The following CDH2 variants were observed in gnomAD, a reference collection of about 807,000 sequenced individuals.
The protein encoded by CDH2 is cadherin 2.
In CDH2, 17 loss-of-function variants were observed where a neutral mutation model predicts 92.0. The ratio of observed to expected loss-of-function variants is 0.18; its 90% confidence interval spans 0.13 to 0.28. The LOEUF (loss-of-function observed/expected upper bound fraction) is 0.28. Among genes scored for constraint, CDH2 ranks in the 10% least tolerant of loss-of-function variants. The pLI, the probability that CDH2 is intolerant of heterozygous loss-of-function variation, is 1.00. For missense variants in CDH2, 862 were observed against 1,133.1 expected, an observed-to-expected ratio of 0.76 and a Z score of 3.44; for synonymous variants, 419 against 415.9, an observed-to-expected ratio of 1.01 and a Z score of -0.09.
chr18:27,964,288 T>C (rs537172524), intron 14 of CDH2, among the ~76,000 whole-genome samples: 4 of 152,152 alleles, frequency 2.6e-5, no homozygotes, highest in Admixed American at 2.6e-4. Context: ...AAGTACAACT[T>C]GTGAAGAAGG....
At chr18:28,176,352 T>G (rs554804168) in intron 1 of CDH2, among the ~76,000 whole-genome samples, 1 of 152,240 alleles carries the variant, frequency 6.6e-6, no homozygotes, top group Non-Finnish European at 1.5e-5. Flanking sequence ...AGGGCCAGAT[T>G]TTCTTTCCAG....
intron 2 of CDH2, among the ~76,000 whole-genome samples, chr18:28,031,889 A>T (rs1001875386): frequency 1.2e-4 from 18 of 152,206 alleles, no homozygotes; most frequent in African/African-American, 4.3e-4. Flanking sequence ...TGTCCAGTCA[A>T]ATCAGATAAT....
chr18:28,158,239 T>C (rs781096104), intron 1 of CDH2, among the ~76,000 whole-genome samples: 1 of 152,204 alleles, frequency 6.6e-6, no homozygotes, highest in Non-Finnish European at 1.5e-5. Context: ...CAGAAATGCA[T>C]TGCAGCGAAA....
At chr18:28,076,472 G>A (rs1599081726) in intron 2 of CDH2, among the ~76,000 whole-genome samples, 2 of 152,132 alleles carry the variant, frequency 1.3e-5, no homozygotes, top group South Asian at 4.2e-4. Context: ...TTCATATAAA[G>A]GTTTTAGCAC....
chr18:27,999,026 A>G (rs1218649904), intron 7 of CDH2, among the ~76,000 whole-genome samples: 3 of 152,230 alleles, frequency 2.0e-5, no homozygotes, highest in Admixed American at 6.5e-5. Flanking sequence ...CTTTCTGTGT[A>G]ACACAGTCTA....
intron 6 of CDH2, among the ~76,000 whole-genome samples, chr18:27,937,649 C>T (rs1909048797): frequency 6.6e-6 from 1 of 152,122 alleles, no homozygotes; most frequent in Non-Finnish European, 1.5e-5. Context: ...CCCTATTTCT[C>T]TCAAAGGCCT....
At chr18:28,105,113 ACTCATTTC>A (rs1341430542) in intron 2 of CDH2, among the ~76,000 whole-genome samples, 1 of 151,912 alleles carries the variant, frequency 6.6e-6, no homozygotes, top group Non-Finnish European at 1.5e-5. Context: ...TCTTTCCGGA[ACTCATTTC>A]CTTCAACTGT....
At chr18:28,043,946 T>A (rs1395411453) in intron 2 of CDH2, among the ~76,000 whole-genome samples, 1 of 139,314 alleles carries the variant, frequency 7.2e-6, no homozygotes, top group Non-Finnish European at 1.5e-5. Context: ...CTTCTCTTGC[T>A]CTGTCACTCA....
downstream of CDH2, among the ~76,000 whole-genome samples, chr18:27,946,184 T>C (rs1432652397): frequency 6.6e-6 from 1 of 152,028 alleles, no homozygotes; most frequent in African/African-American, 2.4e-5. Context: ...ATAAACCAAA[T>C]GGAAGTAAAA....
intron 2 of CDH2, among the ~76,000 whole-genome samples, chr18:28,082,753 T>C (rs1240511920): frequency 6.6e-6 from 1 of 152,116 alleles, no homozygotes; most frequent in Non-Finnish European, 1.5e-5. Context: ...ATAATGAAAA[T>C]ATACTTTCAA....
At chr18:28,035,529 A>G (rs1022482373) in intron 2 of CDH2, among the ~76,000 whole-genome samples, 1 of 152,032 alleles carries the variant, frequency 6.6e-6, no homozygotes, top group African/African-American at 2.4e-5. Context: ...TCATTTAAGG[A>G]TGACTCATAT....
rs2014991520 is a variant in CDH2, at chr18:28,089,135, T to C, written c.172+58538A>G. 2.0e-5 allele frequency among the ~76,000 whole-genome samples: 3 copies of C among 152,152 alleles called. No individual in the cohort carries two copies. In the South Asian group the frequency reaches 6.2e-4, roughly 32 times the overall value. On this transcript the variant is annotated intron_variant, in intron 2 of 15. Coordinates refer to ENST00000269141, the MANE Select transcript of CDH2 (RefSeq NM_001792.5). ...GTCTCCTTTACATGTCATTCAACTCTAGCACACTGGAAAAGCCTGCTTATA... is the reference window on the plus strand; with the variant it reads ...GTCTCCTTTACATGTCATTCAACTCCAGCACACTGGAAAAGCCTGCTTATA...
intron 2 of CDH2, among the ~76,000 whole-genome samples, chr18:28,107,441 G>A (rs2015340414): frequency 6.6e-6 from 1 of 152,030 alleles, no homozygotes; most frequent in African/African-American, 2.4e-5. Context: ...ATAGAAAACT[G>A]TATACCTGAG....
chr18:28,056,066 G>A (rs1018248698), intron 2 of CDH2, among the ~76,000 whole-genome samples: 4 of 148,612 alleles, frequency 2.7e-5, no homozygotes, highest in East Asian at 2.1e-4. Context: ...AAGCTATGAG[G>A]TATAAAAGAT....
At chr18:28,052,234 T>A (rs1432022987) in intron 2 of CDH2, among the ~76,000 whole-genome samples, 1 of 152,218 alleles carries the variant, frequency 6.6e-6, no homozygotes, top group African/African-American at 2.4e-5. Context: ...AATTTTCAAC[T>A]TATTCCACAT....
intron 2 of CDH2, among the ~76,000 whole-genome samples, chr18:28,019,978 G>A (rs1160508671): frequency 1.3e-5 from 2 of 152,016 alleles, no homozygotes; most frequent in East Asian, 1.9e-4. Flanking sequence ...ATGGTACCTG[G>A]CTCATGATTA....
chr18:27,975,195 A>G (rs1427992907), intron 14 of CDH2, among the ~76,000 whole-genome samples: 1 of 152,186 alleles, frequency 6.6e-6, no homozygotes, highest in Non-Finnish European at 1.5e-5. Flanking sequence ...CCAGTCAGCA[A>G]CAGACTTGAG....
intron 1 of CDH2, among the ~76,000 whole-genome samples, chr18:28,155,402 G>A (rs1444069913): frequency 6.6e-6 from 1 of 152,230 alleles, no homozygotes; most frequent in Non-Finnish European, 1.5e-5. Flanking sequence ...TGTTTTGATT[G>A]TGGAGACTTT....
At chr18:28,147,045 A>C (rs567518313) in intron 2 of CDH2, among the ~76,000 whole-genome samples, 14 of 152,290 alleles carry the variant, frequency 9.2e-5, no homozygotes, top group African/African-American at 3.4e-4. Flanking sequence ...TATTGGCAAG[A>C]GTTTCCATAT....
Sources: gnomAD v4.1 joint callset for allele counts (sites outside exome capture counted in the v4.1 genomes callset) on GRCh38, gnomAD v4.1.1 for gene constraint, MANE v1.5 for transcripts, NCBI Gene and HGNC (gene_info 2026-07-23, HGNC 2026-07-21) for gene names.